The following OTUD7A variants were observed in gnomAD, a reference collection of about 807,000 sequenced individuals.
OTUD7A encodes the protein OTU domain-containing protein 7A.
OTUD7A carries 12 observed loss-of-function variants against 65.7 expected under a neutral mutation model. The observed-to-expected ratio is 0.18, with a 90% CI of 0.12 to 0.30. The LOEUF (loss-of-function observed/expected upper bound fraction) is 0.30, where lower values mean the gene tolerates loss of function less well. OTUD7A is among the 10% of genes least tolerant of loss of function. The pLI is 1.00. For synonymous variants in OTUD7A, 641 were observed against 586.3 expected (o/e 1.09, Z -1.35); for missense variants, 1,148 against 1,304.8 (o/e 0.88, Z 1.85).
At position 31,484,415 on chromosome 15, in the gene OTUD7A, C is replaced by T; in HGVS notation, c.1681G>A (p.Gly561Arg). ...GRANSANGKN[G>R]DSAERGKEKK... ...TCCTTGCCCCGCTCGGCCGAGTCCC[C>T]GTTCTTGCCATTGGCGGAGTTGGCG... Residue 561 changes from glycine (G) to arginine (R), a missense_variant, in exon 13 of 13, where the codon GGG (glycine) becomes AGG (arginine). By Grantham distance (125) the Gly-to-Arg change is moderately radical (BLOSUM62 -2). Coordinates refer to ENST00000307050, the MANE Select transcript of OTUD7A (RefSeq NM_001382637.1). The surrounding 1 kb of genome is among the most constrained non-coding windows in gnomAD (Gnocchi z 4.5). The T allele has an allele frequency of 6.2e-7, 1 of 1,602,254 alleles. No homozygotes were observed. Among genetic ancestry groups the T allele is most frequent in the Non-Finnish European group, 8.5e-7 (1 of 1,179,866 alleles).
chr15:31,593,361 G>T (rs1889807988), intron 3 of OTUD7A, among the ~76,000 whole-genome samples: 1 of 151,960 alleles, frequency 6.6e-6, no homozygotes, highest in African/African-American at 2.4e-5. Context: ...GGGGTCTCGG[G>T]GTCAGAGCTC....
At chr15:31,653,068 T>C (rs555312992) in intron 3 of OTUD7A, among the ~76,000 whole-genome samples, 24 of 152,000 alleles carry the variant, frequency 1.6e-4, no homozygotes, top group Admixed American at 1.0e-3. Flanking sequence ...GGCCAATATG[T>C]TGAAATCCCG....
chr15:31,837,372 C>CAAAAAAA (rs57479397), intron 1 of OTUD7A, among the ~76,000 whole-genome samples: 32 of 120,304 alleles, frequency 2.7e-4, no homozygotes, highest in African/African-American at 6.8e-4. Context: ...ACTAAAAATA[C>CAAAAAAA]AAAAAAAAAA....
intron 3 of OTUD7A, among the ~76,000 whole-genome samples, chr15:31,608,728 T>G (rs1890309205): frequency 6.6e-6 from 1 of 152,206 alleles, no homozygotes; most frequent in Non-Finnish European, 1.5e-5. Context: ...AGCAATATTT[T>G]AAAAGATAAT....
intron 5 of OTUD7A, among the ~76,000 whole-genome samples, chr15:31,539,168 A>G (rs60270980): frequency 0.015 from 2,350 of 152,172 alleles, 68 homozygotes; most frequent in African/African-American, 0.054. Flanking sequence ...CCTCAAATCC[A>G]TGTTATCCCA....
intron 1 of OTUD7A, chr15:31,766,784 A>C: frequency 6.2e-7 from 1 of 1,613,050 alleles, no homozygotes; most frequent in Non-Finnish European, 8.5e-7. Flanking sequence ...TGAAGATTCA[A>C]CAGGAATTCC....
intron 1 of OTUD7A, among the ~76,000 whole-genome samples, chr15:31,799,888 G>A (rs1046109238): frequency 1.3e-5 from 2 of 152,070 alleles, no homozygotes; most frequent in African/African-American, 4.8e-5. Context: ...CTGAAGATAC[G>A]GGGGAAGCAC....
At position 31,483,196 on chromosome 15, in the gene OTUD7A, G is replaced by C. The variant is rs913179971; in HGVS notation, c.*98C>G. Reference sequence around the variant, plus strand: ...ACACGGCACTGACAGAGGAGGCGCCGGCCTTCCGGTGGACCAGGGCATGTA... The same window carrying C: ...ACACGGCACTGACAGAGGAGGCGCCCGCCTTCCGGTGGACCAGGGCATGTA... On this transcript the variant is annotated 3_prime_UTR_variant, in exon 13 of 13. Transcript: ENST00000307050. The C allele has an allele frequency of 1.5e-5, 15 of 1,015,644 alleles. No homozygotes were observed. Among genetic ancestry groups the C allele is most frequent in the Middle Eastern group, 4.6e-4 (1 of 2,166 alleles). The allele number at this position is 1,015,644 out of a possible 1,614,324, so 62.9% of individuals were successfully genotyped here. A position where few individuals can be genotyped will look rare whatever the true frequency, so the allele number is the denominator to read the frequency against.
chr15:31,562,279 A>G (rs368626346), intron 4 of OTUD7A, among the ~76,000 whole-genome samples: 12 of 152,066 alleles, frequency 7.9e-5, no homozygotes, highest in South Asian at 4.1e-4. Flanking sequence ...CCAATCCAGA[A>G]TCTACACTCC....
chr15:31,809,635 T>C (rs1896369796), intron 1 of OTUD7A, among the ~76,000 whole-genome samples: 1 of 152,162 alleles, frequency 6.6e-6, no homozygotes, highest in South Asian at 2.1e-4. Flanking sequence ...TAGGACACAA[T>C]GGCTAGTGCT....
At chr15:31,869,458 A>C (rs183925239) in intron 1 of OTUD7A, among the ~76,000 whole-genome samples, 1 of 152,326 alleles carries the variant, frequency 6.6e-6, no homozygotes, top group African/African-American at 2.4e-5. Context: ...TGGACACATT[A>C]TCTGCCTCAT....
Position 31,483,621 on chromosome 15 carries a change from G to C in OTUD7A, c.2475C>G (p.Arg825=). Residue 825 remains arginine (R), a synonymous_variant, in exon 13 of 13, where the codon CGC becomes CGG. Coordinates refer to ENST00000307050, the MANE Select transcript of OTUD7A (RefSeq NM_001382637.1). The stretch of plus-strand genomic sequence containing the variant: ...CCAGCGACTCGACCGTGTTGACGGT[G>C]CGCAGGGCGGCGGCGCGCGCCGGGC... The part of the protein sequence containing the change: ...SYSPARAAAL[R]TVNTVESLAR... 2 of 1,190,922 alleles carry C rather than the reference G, an allele frequency of 1.7e-6. No homozygotes were observed. The highest frequency in any genetic ancestry group is 3.2e-5 in the African/African-American group (2 of 61,964). 73.8% of individuals were successfully genotyped at this position (1,190,922 alleles called of 1,614,324 possible).
At position 31,744,748 on chromosome 15, in the gene OTUD7A, C is replaced by T. The variant is rs566146095; in HGVS notation, c.-99-87671G>A. Among the ~76,000 whole-genome samples the T allele has an allele frequency of 2.6e-5, 4 of 152,124 alleles. No homozygotes were observed. In the East Asian group the frequency reaches 5.8e-4, roughly 22 times the overall value. On this transcript the variant is annotated intron_variant, in intron 1 of 12. Coordinates refer to ENST00000307050, the MANE Select transcript of OTUD7A (RefSeq NM_001382637.1). ...TAAAAAGGAAAAATGAAAAGTTTTG[C>T]TATTTGTAGATGATATGAATGTCAG...
intron 8 of OTUD7A, among the ~76,000 whole-genome samples, chr15:31,526,057 C>T (rs2042007651): frequency 6.6e-6 from 1 of 152,214 alleles, no homozygotes; most frequent in African/African-American, 2.4e-5. Flanking sequence ...CTGTTGTGCA[C>T]AATAAAGTTC....
chr15:31,772,783 C>T (rs952595333), intron 1 of OTUD7A, among the ~76,000 whole-genome samples: 3 of 152,188 alleles, frequency 2.0e-5, no homozygotes, highest in African/African-American at 7.2e-5. Flanking sequence ...ATAGCACCTA[C>T]AATATACTTT....
At chr15:31,582,753 T>C (rs1259110611) in intron 3 of OTUD7A, among the ~76,000 whole-genome samples, 1 of 152,124 alleles carries the variant, frequency 6.6e-6, no homozygotes. Context: ...AAGGTGAGAT[T>C]TGGGTGGGAA....
chr15:31,780,569 ACCAC>A (rs1395149410), intron 1 of OTUD7A, among the ~76,000 whole-genome samples: 5 of 152,218 alleles, frequency 3.3e-5, no homozygotes, highest in African/African-American at 4.8e-5. Context: ...TGAAGACACC[ACCAC>A]CTGGGAAAGA....
At chr15:31,529,039 G>C (rs774926351) in intron 6 of OTUD7A, among the ~76,000 whole-genome samples, 1 of 152,190 alleles carries the variant, frequency 6.6e-6, no homozygotes, top group Non-Finnish European at 1.5e-5. Context: ...TCCCAGGCAG[G>C]CCTGGGAGGC....
intron 1 of OTUD7A, among the ~76,000 whole-genome samples, chr15:31,844,922 T>A (rs1897262784): frequency 6.6e-6 from 1 of 152,150 alleles, no homozygotes; most frequent in South Asian, 2.1e-4. Context: ...TCCCCATCTG[T>A]GAGCTGGAGA....
Sources: allele counts gnomAD v4.1 joint callset (sites outside exome capture counted in the v4.1 genomes callset), GRCh38; gene constraint gnomAD v4.1.1; non-coding constraint Gnocchi (gnomAD v3.1); transcripts MANE v1.5; gene names NCBI Gene and HGNC (gene_info 2026-07-23, HGNC 2026-07-21).